KLHL23: variants seen among roughly 807,000 people sequenced by gnomAD.
The protein encoded by KLHL23 is kelch like family member 23.
In KLHL23, 33 loss-of-function variants were observed where a neutral mutation model predicts 48.9. The ratio of observed to expected loss-of-function variants is 0.67; its 90% CI spans 0.51 to 0.90. The LOEUF (loss-of-function observed/expected upper bound fraction) is 0.90. Ranked by LOEUF, KLHL23 falls within the 40% of genes least tolerant of loss-of-function variation. The pLI is 0.00. For missense variants in KLHL23, 608 were observed against 669.6 expected (o/e 0.91, Z 1.02); for synonymous variants, 234 against 231.6 (o/e 1.01, Z -0.09).
At position 169,735,686 on chromosome 2, in the gene KLHL23, C is replaced by T; in HGVS notation, c.672C>T (p.Ser224=). The change falls in exon 2 of 4, where the codon AGC becomes AGT. Residue 224 remains serine (S), a synonymous_variant. Coordinates refer to ENST00000392647, the MANE Select transcript of KLHL23 (RefSeq NM_144711.6). The surrounding 1 kb of genome is among the most constrained non-coding windows in gnomAD (Gnocchi z 4.5). ...TTGAATGCCTCTATAATCTACTGAG[C>T]TATATCAACATTGATATAGATCCAG... ...NRIECLYNLL[S]YINIDIDPVY... is the part of the protein sequence containing the mutation. The T allele has an allele frequency of 6.2e-7, 1 of 1,613,980 alleles. No homozygotes were observed. The highest frequency in any genetic ancestry group is 8.5e-7 in the Non-Finnish European group (1 of 1,180,034).
intron 3 of KLHL23, among the ~76,000 whole-genome samples, chr2:169,747,349 A>AGAGTGTTTGGGAGAATC: frequency 7.8e-6 from 1 of 128,286 alleles, no homozygotes; most frequent in African/African-American, 2.8e-5. Context: ...AGATTGCGCC[A>AGAGTGTTTGGGAGAATC]CTGCACTCCA....
At position 169,735,616 on chromosome 2, in the gene KLHL23, T is replaced by C. The variant is rs1485312492; in HGVS notation, c.602T>C (p.Ile201Thr). Residue 201 changes from isoleucine (I) to threonine (T), a missense_variant, in exon 2 of 4, where the codon ATA becomes ACA. Physicochemically the swap from Ile to Thr is moderately conservative, Grantham distance 89. This residue lies in a region of KLHL23 where 419 missense variants were observed against 473.1 expected (regional missense o/e 0.89). Coordinates refer to ENST00000392647, the MANE Select transcript of KLHL23 (RefSeq NM_144711.6). This position sits in a 1 kb window ranked among gnomAD's most constrained non-coding sequence, Gnocchi z 4.5. ...AGTGTTTGGAAAGAAGAAGCTATCA[T>C]AGAGCCAGTTATTAAGTGGACTGCT... is the stretch of plus-strand genomic sequence containing the variant. ...NLSVWKEEAI[I>T]EPVIKWTAHD... 1 of 1,614,042 alleles carries C rather than the reference T, an allele frequency of 6.2e-7. No individual in the cohort carries two copies. Among genetic ancestry groups the C allele is most frequent in the Admixed American group, 1.7e-5 (1 of 60,028 alleles).
intron 3 of KLHL23, among the ~76,000 whole-genome samples, chr2:169,743,766 G>T (rs1245562859): frequency 6.6e-6 from 1 of 152,186 alleles, no homozygotes; most frequent in African/African-American, 2.4e-5. Context: ...GACCTAGGGG[G>T]CCTGTGCCGT....
At position 169,749,913 on chromosome 2, in the gene KLHL23, T is replaced by TTC. The variant is rs1688900925; in HGVS notation, c.*182_*183insCT. The stretch of plus-strand genomic sequence containing the variant: ...TGGTGATTCATGGTCAAGAAAAATC[T>TTC]TATATATATATATATATACACACAC... On this transcript the variant is annotated 3_prime_UTR_variant, in exon 4 of 4. Coordinates refer to ENST00000392647, the MANE Select transcript of KLHL23 (RefSeq NM_144711.6). The TTC allele has an allele frequency of 4.6e-6, 1 of 216,128 alleles. No homozygotes were observed. Among genetic ancestry groups the TTC allele is most frequent in the African/African-American group, 4.4e-5 (1 of 22,688 alleles). The allele number at this position is 216,128 out of a possible 1,614,324, so 13.4% of individuals were successfully genotyped here. A position where few individuals can be genotyped will look rare whatever the true frequency, so the allele number is the denominator to read the frequency against.
chr2:169,735,350 G>C lies in KLHL23; in HGVS notation c.336G>C (p.Glu112Asp). Reference protein sequence around the residue: ...ITKRNVQSLLEAADLLQFLSV... With the variant: ...ITKRNVQSLLDAADLLQFLSV... ...AAAGAAATGTTCAAAGCCTGCTTGA[G>C]GCAGCGGATCTGCTACAGTTCCTTT... The change falls in exon 2 of 4, where the codon GAG becomes GAC. Residue 112 changes from glutamate to aspartate, a missense_variant. Transcript: ENST00000392647. The surrounding 1 kb of genome is among the most constrained non-coding windows in gnomAD (Gnocchi z 4.5). The C allele has an allele frequency of 6.2e-7, 1 of 1,612,970 alleles. No individual in the cohort carries two copies.
chr2:169,744,118 G>T (rs1688736676), intron 3 of KLHL23, among the ~76,000 whole-genome samples: 2 of 152,186 alleles, frequency 1.3e-5, no homozygotes, highest in African/African-American at 2.4e-5. Context: ...GAAAAGGTAG[G>T]ATTCTGATAA....
Position 169,750,043 on chromosome 2 carries a change from A to AC in KLHL23, c.*311_*312insC, listed in dbSNP as rs11444477. 14,094 of 20,748 alleles carry AC rather than the reference A, an allele frequency of 0.68. 5,017 individuals are homozygous for AC. Among genetic ancestry groups the AC allele is most frequent in the East Asian group, 0.78 (728 of 934 alleles). 1.3% of individuals were successfully genotyped at this position (20,748 alleles called of 1,614,324 possible). ...TGTATGTATACATATGTGTATATATAGTATGTATGTATACATGTATGTGTA... is the reference window on the plus strand; with the variant it reads ...TGTATGTATACATATGTGTATATATACGTATGTATGTATACATGTATGTGTA... On this transcript the variant is annotated 3_prime_UTR_variant, in exon 4 of 4. Transcript: ENST00000392647.
intron 2 of KLHL23, among the ~76,000 whole-genome samples, chr2:169,737,365 C>G (rs910318441): frequency 1.3e-5 from 2 of 152,118 alleles, no homozygotes; most frequent in African/African-American, 4.8e-5. Flanking sequence ...CACTGTCACA[C>G]CAGGGTGGGA....
rs761329267 is a variant in KLHL23 at position 169,741,524 on chromosome 2, C to T, written c.1353C>T (p.Ser451=). 5 of 1,613,172 alleles carry T rather than the reference C, an allele frequency of 3.1e-6. No individual in the cohort carries two copies. Among genetic ancestry groups the T allele is most frequent in the East Asian group, 2.2e-5 (1 of 44,880 alleles). The change falls in exon 3 of 4, where the codon TCC becomes TCT. Residue 451 remains serine (S), a synonymous_variant. Transcript: ENST00000392647. ...TCAACGAATGGAGCCTCATCACCTC[C>T]AGTCCACATCCAGGTAACAAAAATA... ...SDINEWSLIT[S]SPHPEYGLCS...
At position 169,749,708 on chromosome 2, in the gene KLHL23, G is replaced by T; in HGVS notation, c.1653G>T (p.Gly551=). 4 of 1,606,390 alleles carry T rather than the reference G, an allele frequency of 2.5e-6. No individual in the cohort carries two copies. Among genetic ancestry groups the T allele is most frequent in the Non-Finnish European group, 3.4e-6 (4 of 1,173,658 alleles). Residue 551 remains glycine, a synonymous_variant, in exon 4 of 4, where the codon GGG becomes GGT. Transcript: ENST00000392647. ...GNLPSAMRSH[G]CVCVYNV ...TTCCCAGTGCCATGCGGTCTCATGGGTGTGTTTGTGTGTATAATGTCTAAT... is the reference window on the plus strand; with the variant it reads ...TTCCCAGTGCCATGCGGTCTCATGGTTGTGTTTGTGTGTATAATGTCTAAT...
intron 2 of KLHL23, 125 bp from the exon 3 acceptor site, chr2:169,741,260 C>A: frequency 7.8e-7 from 1 of 1,274,824 alleles, no homozygotes; most frequent in Non-Finnish European, 1.1e-6. Flanking sequence ...TCCCTTATAG[C>A]ACTTAGCACA....
intron 3 of KLHL23, among the ~76,000 whole-genome samples, chr2:169,747,720 A>G (rs1688829548): frequency 6.6e-6 from 1 of 152,180 alleles, no homozygotes; most frequent in Non-Finnish European, 1.5e-5. Flanking sequence ...CAATTCATTC[A>G]TTATTCAACA....
intron 3 of KLHL23, among the ~76,000 whole-genome samples, chr2:169,746,240 C>T (rs1027210460): frequency 6.6e-6 from 1 of 152,192 alleles, no homozygotes; most frequent in Non-Finnish European, 1.5e-5. Context: ...CCTTACCTTC[C>T]AGTGAAATCA....
chr2:169,739,642 A>G (rs1258846414), intron 2 of KLHL23, among the ~76,000 whole-genome samples: 1 of 152,144 alleles, frequency 6.6e-6, no homozygotes, highest in Non-Finnish European at 1.5e-5. Context: ...TCTTGCCCTG[A>G]CCATGCCCAG....
At position 169,749,576 on chromosome 2, in the gene KLHL23, T is replaced by A; in HGVS notation, c.1521T>A (p.Asn507Lys). ...TGGAGTGCGGTGCCGTCATCATGAA[T>A]GGATGTATTTATGTCACTGGAGGAT... ...RRMECGAVIM[N>K]GCIYVTGGYS... The change falls in exon 4 of 4, where the codon AAT becomes AAA. Residue 507 changes from asparagine (N) to lysine (K), a missense_variant. This residue lies in a region of KLHL23 where 179 missense variants were observed against 169.9 expected (regional missense o/e 1.05). Coordinates refer to ENST00000392647, the MANE Select transcript of KLHL23 (RefSeq NM_144711.6). The A allele has an allele frequency of 6.2e-7, 1 of 1,614,096 alleles. No individual in the cohort carries two copies. Among genetic ancestry groups the A allele is most frequent in the Non-Finnish European group, 8.5e-7 (1 of 1,180,020 alleles).
chr2:169,734,247 G>C (rs1163881691), intron 1 of KLHL23, among the ~76,000 whole-genome samples, 160 bp downstream of exon 1: 3 of 147,012 alleles, frequency 2.0e-5, no homozygotes, highest in Non-Finnish European at 4.5e-5. Context: ...GCCGGGCCGG[G>C]CCGAACGCGT....
chr2:169,737,391 C>T (rs72891403), intron 2 of KLHL23, among the ~76,000 whole-genome samples: 30,792 of 151,986 alleles, frequency 0.2, 3,528 homozygotes, highest in African/African-American at 0.31. Context: ...TAGCAGAAAG[C>T]CCGGTGCTGT....
At position 169,749,662 on chromosome 2, in the gene KLHL23, A is replaced by T. The variant is rs1688894111; in HGVS notation, c.1607A>T (p.Lys536Met). The change falls in exon 4 of 4, where the codon AAG (lysine) becomes ATG (methionine). Residue 536 changes from lysine to methionine, a missense_variant. Physicochemically the swap from Lys to Met is moderately conservative, Grantham distance 95. Around this residue, in one of 3 missense-constraint regions of KLHL23, gnomAD observed 179 missense variants for 169.9 expected, o/e 1.05. Coordinates refer to ENST00000392647, the MANE Select transcript of KLHL23 (RefSeq NM_144711.6). ...GAGAAATATGATCCAGATCTTAATAAGTGGGAAATAGTGGGTAATCTTCCC... is the reference window on the plus strand; with the variant it reads ...GAGAAATATGATCCAGATCTTAATATGTGGGAAATAGTGGGTAATCTTCCC... The part of the protein sequence containing the change: ...SIEKYDPDLN[K>M]WEIVGNLPSA... 1 of 1,613,938 alleles carries T rather than the reference A, an allele frequency of 6.2e-7. No homozygotes were observed. Among genetic ancestry groups the T allele is most frequent in the African/African-American group, 1.3e-5 (1 of 74,894 alleles).
chr2:169,736,328 A>G, intron 2 of KLHL23, 101 bp downstream of exon 2: 2 of 1,437,574 alleles, frequency 1.4e-6, no homozygotes, highest in Non-Finnish European at 1.9e-6. Context: ...CTATCTAGGA[A>G]CTATAGTTAA....
Sources: allele counts gnomAD v4.1 joint callset (sites outside exome capture counted in the v4.1 genomes callset), GRCh38; gene constraint gnomAD v4.1.1; regional missense constraint gnomAD v4.1.1; non-coding constraint Gnocchi (gnomAD v3.1); transcripts MANE v1.5; gene names NCBI Gene and HGNC (gene_info 2026-07-23, HGNC 2026-07-21).